Variants in DCLRE1B observed in about 807,000 individuals in gnomAD.
DCLRE1B encodes the protein DNA cross-link repair 1B.
Under a neutral mutation model 19.8 loss-of-function variants are expected in DCLRE1B, and 6 were observed. That is an observed-to-expected ratio of 0.30 (90% confidence interval 0.17 to 0.60). DCLRE1B has a LOEUF of 0.60. Ranked by LOEUF, DCLRE1B falls within the 20% of genes least tolerant of loss-of-function variation. The probability of loss-of-function intolerance (pLI) is 0.87; values close to 1 mark genes in which losing one functional copy is unlikely to be tolerated. For synonymous variants in DCLRE1B, 258 were observed against 255.7 expected (o/e 1.01, Z -0.09); for missense variants, 622 against 654.2 (o/e 0.95, Z 0.54).
upstream of DCLRE1B, chr1:113,904,692 A>C: frequency 1.9e-6 from 3 of 1,612,498 alleles, no homozygotes; most frequent in Non-Finnish European, 2.5e-6. Context: ...CTCCTTCACC[A>C]CGTCCTCGGA....
At chr1:113,904,815 C>A, upstream of DCLRE1B, 2 of 1,061,698 alleles carry the variant, frequency 1.9e-6, no homozygotes, top group Admixed American at 3.4e-5. Context: ...AAATATGAGT[C>A]AGTGAAAATA....
intron 1 of DCLRE1B, among the ~76,000 whole-genome samples, chr1:113,906,176 C>T (rs1427278398): frequency 6.7e-6 from 1 of 150,216 alleles, no homozygotes; most frequent in African/African-American, 2.5e-5. Context: ...CCTGTCTCGG[C>T]CTCCTGAGTA....
Position 113,911,864 on chromosome 1 carries a change from G to T in DCLRE1B, c.1272G>T (p.Met424Ile). ...PFCESQKRVT[M>I]LTAPLGFSVH... is the part of the protein sequence containing the mutation. ...GTGAGTCTCAAAAGAGGGTGACTAT[G>T]TTGACGGCCCCACTGGGATTTTCAG... The change falls in exon 4 of 4, where the codon ATG becomes ATT. Residue 424 changes from methionine to isoleucine, a missense_variant. This residue lies in a region of DCLRE1B where 382 missense variants were observed against 412.5 expected (regional missense o/e 0.93). Coordinates refer to ENST00000650450, the MANE Select transcript of DCLRE1B (RefSeq NM_022836.4). 1.9e-6 allele frequency: 3 copies of T among 1,614,238 alleles called. No individual in the cohort carries two copies. The South Asian group carries it at 3.3e-5, about 18-fold the overall frequency.
rs1468361916 is a variant in DCLRE1B, at chr1:113,912,184, C to T, written c.1592C>T (p.Pro531Leu). 1 of 1,609,924 alleles carries T rather than the reference C, an allele frequency of 6.2e-7. No individual in the cohort carries two copies. The highest frequency in any genetic ancestry group is 2.2e-5 in the East Asian group (1 of 44,874). The change falls in exon 4 of 4, where the codon CCC becomes CTC. Residue 531 changes from proline (P) to leucine (L), a missense_variant. By Grantham distance (98) the Pro-to-Leu change is moderately conservative (BLOSUM62 -3). This residue lies in a region of DCLRE1B where 382 missense variants were observed against 412.5 expected (regional missense o/e 0.93). Coordinates refer to ENST00000650450, the MANE Select transcript of DCLRE1B (RefSeq NM_022836.4). Reference protein sequence around the residue: ...FDQQVEKYHKPC With the variant: ...FDQQVEKYHKLC ...CAGCAAGTGGAAAAATACCATAAACCCTGCTGAAGACAGGAGAGTACAGAA... is the reference window on the plus strand; with the variant it reads ...CAGCAAGTGGAAAAATACCATAAACTCTGCTGAAGACAGGAGAGTACAGAA...
In DCLRE1B at chr1:113,911,799, G is replaced by C. The variant is rs866498449; in HGVS notation, c.1207G>C (p.Asp403His). The C allele has an allele frequency of 6.8e-6, 11 of 1,614,086 alleles. No individual in the cohort carries two copies. The Middle Eastern group carries it at 9.9e-4, about 145-fold the overall frequency. ...PLRIKKQLFPDLYSKEWNKAV... is the reference protein window; with the variant it reads ...PLRIKKQLFPHLYSKEWNKAV... ...GCGGATCAAGAAGCAGTTGTTCCCAGATCTCTATAGCAAAGAATGGAACAA... is the reference window on the plus strand; with the variant it reads ...GCGGATCAAGAAGCAGTTGTTCCCACATCTCTATAGCAAAGAATGGAACAA... Residue 403 changes from aspartate (D) to histidine (H), a missense_variant, in exon 4 of 4, where the codon GAT becomes CAT. Transcript: ENST00000650450.
intron 2 of DCLRE1B, among the ~76,000 whole-genome samples, chr1:113,907,681 C>T (rs370788323): frequency 6.6e-6 from 1 of 152,106 alleles, no homozygotes; most frequent in Non-Finnish European, 1.5e-5. Flanking sequence ...ACCATGTTGG[C>T]CAGGCTGGTC....
At chr1:113,908,903 A>G (rs951308458) in intron 3 of DCLRE1B, among the ~76,000 whole-genome samples, 3 of 152,190 alleles carry the variant, frequency 2.0e-5, no homozygotes, top group African/African-American at 7.2e-5. Flanking sequence ...AGTCAGTATG[A>G]CAGGCACACA....
At position 113,905,505 on chromosome 1, in the gene DCLRE1B, A is replaced by G; in HGVS notation, c.-82A>G. On this transcript the variant is annotated 5_prime_UTR_variant, in exon 1 of 4. Coordinates refer to ENST00000650450, the MANE Select transcript of DCLRE1B (RefSeq NM_022836.4). ...CTGTTCTTGCCCCAGCATGACTTTT[A>G]TCGGGACGCCGTTGTGGAAGCCTCA... 3 of 1,451,882 alleles carry G rather than the reference A, an allele frequency of 2.1e-6. No individual in the cohort carries two copies. The highest frequency in any genetic ancestry group is 2.9e-6 in the Non-Finnish European group (3 of 1,049,338). 89.9% of individuals were successfully genotyped at this position (1,451,882 alleles called of 1,614,324 possible). A position where few individuals can be genotyped will look rare whatever the true frequency, so the allele number is the denominator to read the frequency against.
rs1247720488 is a variant in DCLRE1B, at chr1:113,911,916, T to A, written c.1324T>A (p.Phe442Ile). The change falls in exon 4 of 4, where the codon TTT (phenylalanine) becomes ATT (isoleucine). Residue 442 changes from phenylalanine (F) to isoleucine (I), a missense_variant. Phe to Ile is a conservative substitution (Grantham distance 21). Coordinates refer to ENST00000650450, the MANE Select transcript of DCLRE1B (RefSeq NM_022836.4). ...SVHLRSTDEEFISQKTREEIG... is the reference protein window; with the variant it reads ...SVHLRSTDEEIISQKTREEIG... Reference sequence around the variant, plus strand: ...GCACTTAAGGTCTACAGATGAGGAGTTTATTTCTCAAAAAACCAGGGAGGA... The same window carrying A: ...GCACTTAAGGTCTACAGATGAGGAGATTATTTCTCAAAAAACCAGGGAGGA... 1 of 1,613,676 alleles carries A rather than the reference T, an allele frequency of 6.2e-7. No individual in the cohort carries two copies. The highest frequency in any genetic ancestry group is 8.5e-7 in the Non-Finnish European group (1 of 1,179,940).
upstream of DCLRE1B, chr1:113,905,030 AC>A: frequency 7.2e-6 from 3 of 414,350 alleles, no homozygotes; most frequent in South Asian, 6.3e-5. Flanking sequence ...CGTCCGACTG[AC>A]CGCAGACCCC....
At chr1:113,907,207 T>C in intron 2 of DCLRE1B, 46 bp downstream of exon 2, 1 of 685,312 alleles carries the variant, frequency 1.5e-6, no homozygotes. Flanking sequence ...ACTAGATGTT[T>C]TTTTTTTTTT....
intron 1 of DCLRE1B, 65 bp from the exon 2 acceptor site, chr1:113,906,931 T>G (rs1669035363): frequency 8.2e-6 from 13 of 1,580,582 alleles, no homozygotes; most frequent in Non-Finnish European, 1.1e-5. Flanking sequence ...TAAGGGATAG[T>G]CCCTGACCCG....
chr1:113,907,983 C>G, intron 2 of DCLRE1B, 26 bp from the exon 3 acceptor site: 2 of 1,599,218 alleles, frequency 1.3e-6, no homozygotes, highest in South Asian at 1.1e-5. Flanking sequence ...CTCTGACCTT[C>G]TGCCCCCATG....
At position 113,907,017 on chromosome 1, in the gene DCLRE1B, G is replaced by A; in HGVS notation, c.211G>A (p.Ala71Thr). The change falls in exon 2 of 4, where the codon GCC (alanine) becomes ACC (threonine). Residue 71 changes from alanine (A) to threonine (T), a missense_variant. Around this residue, in one of 3 missense-constraint regions of DCLRE1B, gnomAD observed 237 missense variants for 223.8 expected, o/e 1.06. Coordinates refer to ENST00000650450, the MANE Select transcript of DCLRE1B (RefSeq NM_022836.4). ...TCAGGTATCTAAGCAATGGATCCAA[G>A]CCCTGGAGGTTGGTGAGAGCCATGT... ...HLQVSKQWIQALEVGESHVLP... is the reference protein window; with the variant it reads ...HLQVSKQWIQTLEVGESHVLP... 2 of 1,613,976 alleles carry A rather than the reference G, an allele frequency of 1.2e-6. No individual in the cohort carries two copies. The highest frequency in any genetic ancestry group is 1.7e-6 in the Non-Finnish European group (2 of 1,179,994).
At chr1:113,910,437 C>T (rs1381547868) in intron 3 of DCLRE1B, among the ~76,000 whole-genome samples, 1 of 152,104 alleles carries the variant, frequency 6.6e-6, no homozygotes, top group African/African-American at 2.4e-5. Flanking sequence ...TAACCTTGCC[C>T]ATCCTTTAAG....
chr1:113,905,761 C>A lies in DCLRE1B; in HGVS notation c.175C>A (p.His59Asn). 3.1e-6 allele frequency: 5 copies of A among 1,613,488 alleles called. No individual in the cohort carries two copies. Among genetic ancestry groups the A allele is most frequent in the Non-Finnish European group, 3.4e-6 (4 of 1,179,678 alleles). ...CTCCCCAATTACAGCCCACCTCTTG[C>A]ATCGTCACCTACAGGTATGGGGCTG... The part of the protein sequence containing the change: ...YCSPITAHLL[H>N]RHLQVSKQWI... The change falls in exon 1 of 4, where the codon CAT becomes AAT. Residue 59 changes from histidine to asparagine, a missense_variant. Around this residue, in one of 3 missense-constraint regions of DCLRE1B, gnomAD observed 237 missense variants for 223.8 expected, o/e 1.06. Coordinates refer to ENST00000650450, the MANE Select transcript of DCLRE1B (RefSeq NM_022836.4).
chr1:113,905,548 C>G lies in DCLRE1B; in HGVS notation c.-39C>G. The G allele has an allele frequency of 6.2e-7, 1 of 1,600,046 alleles. No individual in the cohort carries two copies. The highest frequency in any genetic ancestry group is 8.5e-7 in the Non-Finnish European group (1 of 1,171,916). On this transcript the variant is annotated 5_prime_UTR_variant, in exon 1 of 4. Transcript: ENST00000650450. ...AAGCCTCACGCAGGAGCCCTGCCCC[C>G]GTGGAGAAGATCCCACTGGTGACTC... is the stretch of plus-strand genomic sequence containing the variant.
At position 113,907,223 on chromosome 1, in the gene DCLRE1B, T is replaced by TG. The variant is rs1669065750; in HGVS notation, c.355+62_355+63insG. On this transcript the variant is annotated intron_variant, in intron 2 of 3. Transcript: ENST00000650450. ...CTAGATGTTTTTTTTTTTTTTTTTT[T>TG]TTTTTTTTTTTAATGTATAGACTGG... is the stretch of plus-strand genomic sequence containing the variant. The TG allele has an allele frequency of 1.6e-5, 21 of 1,333,970 alleles. No individual in the cohort carries two copies. The African/African-American group carries it at 2.2e-4, about 14-fold the overall frequency. 82.6% of individuals were successfully genotyped at this position (1,333,970 alleles called of 1,614,324 possible).
rs773808674 is a variant in DCLRE1B, at chr1:113,911,805, T to C, written c.1213T>C (p.Tyr405His). 5.6e-6 allele frequency: 9 copies of C among 1,614,192 alleles called. No individual in the cohort carries two copies. In the South Asian group the frequency reaches 6.6e-5, roughly 12 times the overall value. Residue 405 changes from tyrosine to histidine, a missense_variant, in exon 4 of 4, where the codon TAT becomes CAT. By Grantham distance (83) the Tyr-to-His change is moderately conservative (BLOSUM62 2). Transcript: ENST00000650450. ...RIKKQLFPDL[Y>H]SKEWNKAVPF... is the part of the protein sequence containing the mutation. ...CAAGAAGCAGTTGTTCCCAGATCTC[T>C]ATAGCAAAGAATGGAACAAGGCAGT...
Sources: allele counts gnomAD v4.1 joint callset (sites outside exome capture counted in the v4.1 genomes callset), GRCh38; gene constraint gnomAD v4.1.1; regional missense constraint gnomAD v4.1.1; transcripts MANE v1.5; gene names NCBI Gene and HGNC (gene_info 2026-07-23, HGNC 2026-07-21).